Variants in DGKB observed in about 807,000 individuals in gnomAD.
The protein encoded by DGKB is 90 kDa diacylglycerol kinase.
Under a neutral mutation model 114.3 loss-of-function variants are expected in DGKB, and 67 were observed. The observed-to-expected ratio is 0.59, with a 90% confidence interval of 0.48 to 0.72. DGKB has a LOEUF of 0.72. Ranked by LOEUF, DGKB falls within the 30% of genes least tolerant of loss-of-function variation. The pLI, the probability that DGKB is intolerant of heterozygous loss-of-function variation, is 0.00. For synonymous variants in DGKB, 398 were observed against 323.1 expected (o/e 1.23, Z -2.49); for missense variants, 907 against 975.2 (o/e 0.93, Z 0.93).
chr7:14,684,217 C>G (rs536944750), intron 10 of DGKB, among the ~76,000 whole-genome samples: 13 of 151,988 alleles, frequency 8.6e-5, no homozygotes, highest in Non-Finnish European at 1.8e-4. Context: ...AGTAACACAG[C>G]TGAGAGAAAG....
chr7:14,785,283 T>C (rs995518317), intron 2 of DGKB, among the ~76,000 whole-genome samples: 26 of 152,162 alleles, frequency 1.7e-4, no homozygotes, highest in African/African-American at 5.8e-4. Flanking sequence ...ATTATAAGTA[T>C]TTTGTAAAAA....
At chr7:14,757,283 C>A (rs901997266) in intron 3 of DGKB, among the ~76,000 whole-genome samples, 4 of 151,982 alleles carry the variant, frequency 2.6e-5, no homozygotes, top group Non-Finnish European at 5.9e-5. Flanking sequence ...CTATTTTATC[C>A]AATGCTGTTT....
At chr7:14,347,300 G>C (rs1382806413) in intron 21 of DGKB, among the ~76,000 whole-genome samples, 1 of 151,912 alleles carries the variant, frequency 6.6e-6, no homozygotes, top group Non-Finnish European at 1.5e-5. Flanking sequence ...ACAAGCACTG[G>C]CAAGGGTGTG....
intron 23 of DGKB, among the ~76,000 whole-genome samples, chr7:14,187,800 A>G (rs2158828): frequency 0.19 from 29,656 of 152,098 alleles, 3,130 homozygotes; most frequent in African/African-American, 0.26. Context: ...AGAAACATAA[A>G]AAAGCAAATT....
intron 1 of DGKB, among the ~76,000 whole-genome samples, chr7:14,954,860 A>G (rs1012884242): frequency 6.6e-6 from 1 of 152,104 alleles, no homozygotes; most frequent in Admixed American, 6.6e-5. Context: ...TTCAAGTTCA[A>G]ATTTGAGAGT....
intron 25 of DGKB, among the ~76,000 whole-genome samples, chr7:14,173,562 T>G (rs887814512): frequency 1.3e-5 from 2 of 152,216 alleles, no homozygotes; most frequent in Admixed American, 6.5e-5. Context: ...AGCAATTCTT[T>G]CATAAATTGA....
At chr7:14,382,206 G>T (rs1047746333) in intron 21 of DGKB, among the ~76,000 whole-genome samples, 3 of 152,146 alleles carry the variant, frequency 2.0e-5, no homozygotes, top group Non-Finnish European at 2.9e-5. Context: ...ATTAGAAGAG[G>T]AGACTGGGGA....
chr7:14,405,318 C>G (rs1170290808), intron 21 of DGKB, among the ~76,000 whole-genome samples: 6 of 152,072 alleles, frequency 3.9e-5, no homozygotes, highest in South Asian at 4.2e-4. Context: ...TTTTTAAATA[C>G]AGAATCTACC....
chr7:14,459,923 A>G (rs1563229264), intron 21 of DGKB, among the ~76,000 whole-genome samples: 1 of 152,168 alleles, frequency 6.6e-6, no homozygotes, highest in East Asian at 1.9e-4. Context: ...ACAAGCCAGA[A>G]GAGAGAGGGG....
chr7:14,315,764 A>T (rs1158343561), intron 23 of DGKB, among the ~76,000 whole-genome samples: 1 of 151,388 alleles, frequency 6.6e-6, no homozygotes, highest in Non-Finnish European at 1.5e-5. Flanking sequence ...AATTGAACTC[A>T]GCTCTGCACC....
At chr7:14,201,944 T>C (rs1785956315) in intron 23 of DGKB, among the ~76,000 whole-genome samples, 1 of 152,134 alleles carries the variant, frequency 6.6e-6, no homozygotes, top group South Asian at 2.1e-4. Flanking sequence ...GCTTTCCTGA[T>C]AGTCTTCTAT....
chr7:14,801,251 G>T (rs751682573), intron 2 of DGKB, among the ~76,000 whole-genome samples: 6 of 152,158 alleles, frequency 3.9e-5, no homozygotes, highest in Non-Finnish European at 5.9e-5. Context: ...CGCATTTTCA[G>T]TTGTATGCAG....
chr7:14,938,229 G>A (rs2128253423), intron 1 of DGKB, among the ~76,000 whole-genome samples: 1 of 152,254 alleles, frequency 6.6e-6, no homozygotes, highest in South Asian at 2.1e-4. Context: ...ATATCAGGGT[G>A]CTTTAAAAAT....
At chr7:14,534,769 A>G (rs1792150671) in intron 20 of DGKB, among the ~76,000 whole-genome samples, 1 of 152,230 alleles carries the variant, frequency 6.6e-6, no homozygotes, top group Non-Finnish European at 1.5e-5. Flanking sequence ...CACACACAGA[A>G]TATTCTCTGG....
rs558067654 is a variant in DGKB, at chr7:14,177,836, CA to C, written c.2243+194del. Reference sequence around the variant, plus strand: ...TCAACAAGAGAGAATCAGATTCCAACAAACCATATCAGTAATAGCTAACCAA... The same window carrying C: ...TCAACAAGAGAGAATCAGATTCCAACAACCATATCAGTAATAGCTAACCAA... On this transcript the variant is annotated intron_variant, in intron 24 of 25. Transcript: ENST00000402815. Among the ~76,000 whole-genome samples, 4 of 152,214 alleles carry C rather than the reference CA, an allele frequency of 2.6e-5. No individual in the cohort carries two copies. The East Asian group carries it at 7.7e-4, about 29-fold the overall frequency.
intron 20 of DGKB, among the ~76,000 whole-genome samples, chr7:14,503,612 T>C (rs1326055612): frequency 1.3e-5 from 2 of 152,150 alleles, no homozygotes; most frequent in Non-Finnish European, 2.9e-5. Context: ...CAACAAATAG[T>C]ATAAATAAGA....
At chr7:14,276,297 C>G (rs1479007762) in intron 23 of DGKB, among the ~76,000 whole-genome samples, 1 of 152,132 alleles carries the variant, frequency 6.6e-6, no homozygotes, top group African/African-American at 2.4e-5. Flanking sequence ...GTATCGACAC[C>G]ACGCAAGCCA....
In DGKB at chr7:14,783,355, G is replaced by A. The variant is rs1178870059; in HGVS notation, c.71-25624C>T. Reference sequence around the variant, plus strand: ...TTGTCACACCGCATAAATGAAAGAGGAAGAAATATGTACTCCTGAATTACT... The same window carrying A: ...TTGTCACACCGCATAAATGAAAGAGAAAGAAATATGTACTCCTGAATTACT... On this transcript the variant is annotated intron_variant, in intron 2 of 25. Transcript: ENST00000402815. Among the ~76,000 whole-genome samples, 5 of 152,144 alleles carry A rather than the reference G, an allele frequency of 3.3e-5. No individual in the cohort carries two copies. The East Asian group carries it at 9.6e-4, about 29-fold the overall frequency.
intron 2 of DGKB, among the ~76,000 whole-genome samples, chr7:14,814,859 C>T (rs1018806815): frequency 2.0e-5 from 3 of 152,138 alleles, no homozygotes; most frequent in Non-Finnish European, 4.4e-5. Flanking sequence ...GAATTATGCT[C>T]TTCTTCAGCT....
Sources: allele counts gnomAD v4.1 joint callset (sites outside exome capture counted in the v4.1 genomes callset), GRCh38; gene constraint gnomAD v4.1.1; transcripts MANE v1.5; gene names NCBI Gene and HGNC (gene_info 2026-07-23, HGNC 2026-07-21).